The following KCNMA1 variants were observed in gnomAD, a reference collection of about 807,000 sequenced individuals.
The protein encoded by KCNMA1 is Calcium-activated potassium channel subunit alpha-1.
In KCNMA1, 29 loss-of-function variants were observed where a neutral mutation model predicts 140.0. That is an observed-to-expected ratio of 0.21 (90% CI 0.15 to 0.28). The LOEUF is 0.28. Among genes scored for constraint, KCNMA1 ranks in the 10% least tolerant of loss-of-function variants. KCNMA1 has a pLI of 1.00. For missense variants in KCNMA1, 880 were observed against 1,602.2 expected, an observed-to-expected ratio of 0.55 and a Z score of 7.70; for synonymous variants, 612 against 611.9, an observed-to-expected ratio of 1.00 and a Z score of 0.00.
At chr10:76,870,369 T>G (rs767823168) in exon 28 of KCNMA1, 1 of 152,326 alleles carries the variant, frequency 6.6e-6, no homozygotes, top group African/African-American at 2.4e-5. Flanking sequence ...AAGGCAGGCA[T>G]GGCCGAGAGC....
At chr10:77,628,434 T>A (rs962697118) in intron 1 of KCNMA1, among the ~76,000 whole-genome samples, 16 of 152,136 alleles carry the variant, frequency 1.1e-4, no homozygotes, top group African/African-American at 3.6e-4. Flanking sequence ...GGCGGGTGGA[T>A]CATTTGAGGT....
chr10:77,185,308 T>C (rs7910205), intron 3 of KCNMA1, among the ~76,000 whole-genome samples: 35,072 of 151,992 alleles, frequency 0.23, 4,557 homozygotes, highest in Middle Eastern at 0.3. Context: ...GGACACATAC[T>C]AAAGCTAAAA....
At chr10:76,877,215 T>G (rs1233030036), downstream of KCNMA1, 3 of 153,412 alleles carry the variant, frequency 2.0e-5, no homozygotes, top group Non-Finnish European at 4.4e-5. Context: ...GAGGAGCAGG[T>G]ATTCACCTGT....
intron 14 of KCNMA1, among the ~76,000 whole-genome samples, chr10:77,068,852 AACACACAC>A (rs147592319): frequency 0.069 from 9,266 of 133,632 alleles, 1,189 homozygotes; most frequent in East Asian, 0.64. Flanking sequence ...TCACCCTCTA[AACACACAC>A]ACACACACAC....
In KCNMA1 at chr10:76,910,059, A is replaced by G. The variant is rs1370293783; in HGVS notation, c.3054T>C (p.Asp1018=). The change falls in exon 25 of 28, where the codon GAT becomes GAC. Residue 1018 remains aspartate, a synonymous_variant. Transcript: ENST00000286628. ...DTNVQFLDQD[D]DDDPDTELYL... Reference sequence around the variant, plus strand: ...ACAGTTCTGTATCAGGGTCATCATCATCGTCTTGGTCCAAAAACTGAACAT... The same window carrying G: ...ACAGTTCTGTATCAGGGTCATCATCGTCGTCTTGGTCCAAAAACTGAACAT... The G allele has an allele frequency of 1.2e-6, 2 of 1,614,098 alleles. No individual in the cohort carries two copies. The highest frequency in any genetic ancestry group is 1.7e-6 in the Non-Finnish European group (2 of 1,179,970).
rs560236547 is a variant in KCNMA1 at position 76,885,040 on chromosome 10, T to C, written c.*2226A>G. 9.2e-5 allele frequency: 143 copies of C among 1,548,062 alleles called. 2 individuals carry two copies. The South Asian group carries it at 1.7e-3, about 18-fold the overall frequency. On this transcript the variant is annotated 3_prime_UTR_variant, in exon 28 of 28. Transcript: ENST00000286628. ...GCACTTTAGAGAGAGAAGTAAGCTA[T>C]GTGAGTTTTACAATGCTTTTAAACT...
At chr10:77,462,628 G>A (rs1217847721) in intron 1 of KCNMA1, among the ~76,000 whole-genome samples, 1 of 152,210 alleles carries the variant, frequency 6.6e-6, no homozygotes. Context: ...AGACATGGGA[G>A]CTTTCCCTGG....
intron 20 of KCNMA1, among the ~76,000 whole-genome samples, chr10:76,963,018 T>G (rs1258065168): frequency 6.6e-6 from 1 of 152,196 alleles, no homozygotes; most frequent in Non-Finnish European, 1.5e-5. Context: ...CATTGTGATG[T>G]GAAGGACAAC....
intron 1 of KCNMA1, among the ~76,000 whole-genome samples, chr10:77,561,321 A>C (rs1246240984): frequency 6.6e-6 from 1 of 152,222 alleles, no homozygotes; most frequent in African/African-American, 2.4e-5. Flanking sequence ...TCACTTCTAC[A>C]GTGCTTATTC....
intron 1 of KCNMA1, among the ~76,000 whole-genome samples, chr10:77,524,611 G>A (rs561052985): frequency 5.9e-5 from 9 of 152,094 alleles, no homozygotes; most frequent in Non-Finnish European, 4.4e-5. Flanking sequence ...CCAAATTCTC[G>A]ACAGCCCTAG....
intron 1 of KCNMA1, among the ~76,000 whole-genome samples, chr10:77,619,389 CT>C (rs1423243559): frequency 6.6e-6 from 1 of 151,996 alleles, no homozygotes; most frequent in Non-Finnish European, 1.5e-5. Context: ...GCTCTTCCCC[CT>C]GTAGTGGCCA....
At chr10:77,090,324 T>A in intron 10 of KCNMA1, 76 bp downstream of exon 10, 1 of 1,015,442 alleles carries the variant, frequency 9.8e-7, no homozygotes, top group Non-Finnish European at 1.6e-6. Flanking sequence ...AGACCTCCAC[T>A]CTTACAGACA....
chr10:77,225,690 C>G (rs527398635), intron 3 of KCNMA1, among the ~76,000 whole-genome samples: 1 of 152,196 alleles, frequency 6.6e-6, no homozygotes, highest in Non-Finnish European at 1.5e-5. Flanking sequence ...ACTGAAGAGG[C>G]CTTTGTGGCC....
intron 5 of KCNMA1, among the ~76,000 whole-genome samples, chr10:77,132,588 G>A (rs899238304): frequency 3.4e-5 from 5 of 148,912 alleles, no homozygotes; most frequent in East Asian, 2.0e-4. Context: ...GCAGTGGCGC[G>A]ATCTCGGCTC....
intron 5 of KCNMA1, among the ~76,000 whole-genome samples, chr10:77,141,686 G>T (rs1292336687): frequency 1.1e-4 from 17 of 152,142 alleles, no homozygotes; most frequent in Admixed American, 1.0e-3. Flanking sequence ...CCCTTCCCAG[G>T]GTACTGAGTG....
chr10:76,968,832 A>G (rs2153135957), intron 20 of KCNMA1, among the ~76,000 whole-genome samples: 1 of 152,344 alleles, frequency 6.6e-6, no homozygotes, highest in East Asian at 1.9e-4. Context: ...CTGTGTCCTC[A>G]ACCACATGAA....
downstream of KCNMA1, chr10:76,874,216 A>C (rs2031935037): frequency 6.6e-6 from 1 of 152,214 alleles, no homozygotes; most frequent in South Asian, 2.1e-4. Context: ...AAGACCAGGA[A>C]TGAACCTACC....
At chr10:77,103,213 A>C (rs2153831721) in intron 9 of KCNMA1, among the ~76,000 whole-genome samples, 1 of 152,362 alleles carries the variant, frequency 6.6e-6, no homozygotes, top group East Asian at 1.9e-4. Context: ...TAAATAGAAA[A>C]GCATGACAAA....
chr10:77,509,913 A>G (rs1160701722), intron 1 of KCNMA1, among the ~76,000 whole-genome samples: 1 of 152,000 alleles, frequency 6.6e-6, no homozygotes, highest in Non-Finnish European at 1.5e-5. Flanking sequence ...TTAGTTGTCA[A>G]ACACCAACTC....
Sources: allele counts gnomAD v4.1 joint callset (sites outside exome capture counted in the v4.1 genomes callset), GRCh38; gene constraint gnomAD v4.1.1; transcripts MANE v1.5; gene names NCBI Gene and HGNC (gene_info 2026-07-23, HGNC 2026-07-21).